ASTN2: variants seen among roughly 807,000 people sequenced by gnomAD.
The protein encoded by ASTN2 is astrotactin 2.
A neutral mutation model predicts 139.8 loss-of-function variants in ASTN2; 54 were observed. The ratio of observed to expected loss-of-function variants is 0.39; its 90% CI spans 0.31 to 0.48. ASTN2 has a LOEUF of 0.48. ASTN2 is among the 20% of genes least tolerant of loss of function. The pLI is 0.95. For missense variants in ASTN2, 1,565 were observed against 1,725.1 expected (o/e 0.91, Z 1.64); for synonymous variants, 756 against 719.5 (o/e 1.05, Z -0.81).
chr9:116,707,969 T>A (rs1388817862), intron 16 of ASTN2, among the ~76,000 whole-genome samples: 1 of 152,172 alleles, frequency 6.6e-6, no homozygotes, highest in Non-Finnish European at 1.5e-5. Context: ...TAACTTAAAA[T>A]ATCCCATAGT....
At chr9:116,462,817 TGTGTGTGTG>T (rs1848532657) in intron 20 of ASTN2, among the ~76,000 whole-genome samples, 2 of 151,752 alleles carry the variant, frequency 1.3e-5, no homozygotes, top group African/African-American at 4.8e-5. Flanking sequence ...TGTGTGTGTG[TGTGTGTGTG>T]TGTGTCTGCC....
chr9:116,475,830 T>C (rs543429882), intron 20 of ASTN2, among the ~76,000 whole-genome samples: 3 of 152,288 alleles, frequency 2.0e-5, no homozygotes, highest in Admixed American at 1.3e-4. Flanking sequence ...ACTTGGATGA[T>C]GAGGTCCTCG....
intron 4 of ASTN2, among the ~76,000 whole-genome samples, chr9:117,113,758 A>G (rs1393946228): frequency 6.6e-6 from 1 of 152,234 alleles, no homozygotes; most frequent in Non-Finnish European, 1.5e-5. Context: ...GATGTCAGAC[A>G]CAAAAACTAC....
chr9:117,362,269 C>T (rs1257362595), intron 1 of ASTN2, among the ~76,000 whole-genome samples: 1 of 152,142 alleles, frequency 6.6e-6, no homozygotes, highest in Admixed American at 6.6e-5. Context: ...CCACTGTGCC[C>T]AGCCTTTTTG....
intron 11 of ASTN2, among the ~76,000 whole-genome samples, chr9:116,827,866 G>A (rs1831681569): frequency 6.6e-6 from 1 of 152,092 alleles, no homozygotes; most frequent in Non-Finnish European, 1.5e-5. Flanking sequence ...TGAGGAAGAG[G>A]AAATTCTTTC....
intron 16 of ASTN2, among the ~76,000 whole-genome samples, chr9:116,705,307 T>A (rs1270340930): frequency 6.6e-6 from 1 of 152,182 alleles, no homozygotes; most frequent in African/African-American, 2.4e-5. Flanking sequence ...AAACCAAATA[T>A]ATCTGAAATT....
intron 11 of ASTN2, among the ~76,000 whole-genome samples, chr9:116,841,825 A>G (rs1417485108): frequency 1.3e-5 from 2 of 152,232 alleles, no homozygotes; most frequent in Non-Finnish European, 2.9e-5. Flanking sequence ...TATTGTAGTT[A>G]CCTTGTTACT....
At chr9:117,016,849 A>G (rs1248329982) in intron 6 of ASTN2, among the ~76,000 whole-genome samples, 2 of 148,286 alleles carry the variant, frequency 1.3e-5, no homozygotes, top group African/African-American at 2.5e-5. Flanking sequence ...ATAAAGCTGT[A>G]TCAAAATACA....
chr9:116,799,082 G>C (rs950358098), intron 13 of ASTN2, among the ~76,000 whole-genome samples: 2 of 124,966 alleles, frequency 1.6e-5, no homozygotes, highest in Admixed American at 1.8e-4. Flanking sequence ...TTAAAGGGGC[G>C]GGGGGAGGGA....
intron 1 of ASTN2, among the ~76,000 whole-genome samples, chr9:117,354,448 A>T (rs1033156316): frequency 3.3e-5 from 5 of 152,120 alleles, no homozygotes; most frequent in Non-Finnish European, 5.9e-5. Context: ...TTCTACCAGA[A>T]CTGCCTCTAG....
intron 13 of ASTN2, among the ~76,000 whole-genome samples, chr9:116,795,197 C>T (rs1830659613): frequency 6.6e-6 from 1 of 152,158 alleles, no homozygotes; most frequent in South Asian, 2.1e-4. Context: ...CCAGGCTGGT[C>T]TCGAACTCCT....
intron 3 of ASTN2, among the ~76,000 whole-genome samples, chr9:117,174,061 T>C (rs1830857915): frequency 6.6e-6 from 1 of 151,338 alleles, no homozygotes; most frequent in South Asian, 2.1e-4. Flanking sequence ...TCTCTGGAAT[T>C]AAAATGAGGA....
intron 20 of ASTN2, among the ~76,000 whole-genome samples, chr9:116,469,078 T>G (rs1848735497): frequency 6.6e-6 from 1 of 152,134 alleles, no homozygotes; most frequent in Non-Finnish European, 1.5e-5. Flanking sequence ...TCATCGTGAG[T>G]TCCATGGAAG....
intron 7 of ASTN2, among the ~76,000 whole-genome samples, chr9:116,993,078 G>A (rs1290769798): frequency 1.3e-5 from 2 of 152,110 alleles, no homozygotes; most frequent in Non-Finnish European, 2.9e-5. Flanking sequence ...GTTAGATGAC[G>A]TCACCCCTCT....
chr9:117,074,012 G>A (rs1012899230), intron 5 of ASTN2, among the ~76,000 whole-genome samples: 1 of 152,078 alleles, frequency 6.6e-6, no homozygotes, highest in Non-Finnish European at 1.5e-5. Context: ...ACAAGCCCAG[G>A]CGATGGCCAT....
intron 19 of ASTN2, among the ~76,000 whole-genome samples, chr9:116,596,977 C>T (rs1013167346): frequency 8.5e-5 from 13 of 152,134 alleles, no homozygotes; most frequent in East Asian, 1.9e-4. Flanking sequence ...ACTGCTCTCA[C>T]GTGTCAAGTT....
chr9:117,347,304 T>G (rs1400341275), intron 1 of ASTN2, among the ~76,000 whole-genome samples: 1 of 152,098 alleles, frequency 6.6e-6, no homozygotes, highest in Non-Finnish European at 1.5e-5. Context: ...ATTATACTGA[T>G]AGCGCACACA....
At chr9:117,140,897 C>T (rs918105573) in intron 4 of ASTN2, among the ~76,000 whole-genome samples, 1 of 152,156 alleles carries the variant, frequency 6.6e-6, no homozygotes, top group African/African-American at 2.4e-5. Flanking sequence ...CAATACCACT[C>T]TTGATCATTC....
At chr9:117,291,591 A>G (rs1834595661) in intron 1 of ASTN2, 78 bp from the exon 2 acceptor site, 1 of 1,373,528 alleles carries the variant, frequency 7.3e-7, no homozygotes, top group South Asian at 1.4e-5. Flanking sequence ...AGCCCACATA[A>G]TCAGGAGCTC....
Sources: gnomAD v4.1 joint callset for allele counts (sites outside exome capture counted in the v4.1 genomes callset) on GRCh38, gnomAD v4.1.1 for gene constraint, MANE v1.5 for transcripts, NCBI Gene and HGNC (gene_info 2026-07-23, HGNC 2026-07-21) for gene names.